The following TPST2 variants were observed in gnomAD, a reference collection of about 807,000 sequenced individuals.
The protein encoded by TPST2 is protein-tyrosine sulfotransferase 2.
TPST2 carries 16 observed loss-of-function variants against 27.8 expected under a neutral mutation model. The ratio of observed to expected loss-of-function variants is 0.58; its 90% confidence interval spans 0.39 to 0.88. The LOEUF is 0.88. Among genes scored for constraint, TPST2 ranks in the 40% least tolerant of loss-of-function variants. The pLI, the probability that TPST2 is intolerant of heterozygous loss-of-function variation, is 0.00. For synonymous variants in TPST2, 229 were observed against 231.7 expected, an observed-to-expected ratio of 0.99 and a Z score of 0.10; for missense variants, 464 against 543.1, an observed-to-expected ratio of 0.85 and a Z score of 1.45.
At chr22:26,562,407 C>T (rs527655362) in intron 1 of TPST2, among the ~76,000 whole-genome samples, 12 of 152,312 alleles carry the variant, frequency 7.9e-5, no homozygotes, top group Non-Finnish European at 1.6e-4. Flanking sequence ...TAAACCCTCA[C>T]AGCTCTACAA....
At chr22:26,533,412 C>A (rs1925276882) in intron 4 of TPST2, among the ~76,000 whole-genome samples, 1 of 151,824 alleles carries the variant, frequency 6.6e-6, no homozygotes, top group South Asian at 2.1e-4. Context: ...AGAGCGAGAC[C>A]CTGTCTCTAA....
intron 1 of TPST2, among the ~76,000 whole-genome samples, chr22:26,569,084 C>T (rs1927496442): frequency 1.3e-5 from 2 of 151,992 alleles, no homozygotes; most frequent in Admixed American, 1.3e-4. Context: ...AGGATGGTCT[C>T]GATCTCCTGA....
At chr22:26,549,817 T>A (rs1165981505) in intron 1 of TPST2, among the ~76,000 whole-genome samples, 1 of 145,054 alleles carries the variant, frequency 6.9e-6, no homozygotes, top group East Asian at 2.0e-4. Flanking sequence ...GATCACGAAG[T>A]CAGGAGATCG....
intron 1 of TPST2, among the ~76,000 whole-genome samples, chr22:26,570,465 T>C (rs899554784): frequency 1.3e-5 from 2 of 152,114 alleles, no homozygotes; most frequent in Non-Finnish European, 2.9e-5. Flanking sequence ...TACAGCCCCA[T>C]GAAAACGTTT....
At chr22:26,570,469 A>G (rs555101901) in intron 1 of TPST2, among the ~76,000 whole-genome samples, 1 of 152,120 alleles carries the variant, frequency 6.6e-6, no homozygotes, top group Admixed American at 6.5e-5. Flanking sequence ...GCCCCATGAA[A>G]ACGTTTACAG....
At chr22:26,567,719 A>T (rs1161536477) in intron 1 of TPST2, among the ~76,000 whole-genome samples, 3 of 152,226 alleles carry the variant, frequency 2.0e-5, no homozygotes, top group Non-Finnish European at 2.9e-5. Context: ...AAATCAATTT[A>T]AAAAAGGACA....
chr22:26,582,153 G>A (rs1169590853), intron 1 of TPST2, among the ~76,000 whole-genome samples: 3 of 152,178 alleles, frequency 2.0e-5, no homozygotes, highest in African/African-American at 4.8e-5. Context: ...TTAGCCGGGC[G>A]CTGTGGCTCA....
At chr22:26,579,103 G>C (rs73163224) in intron 1 of TPST2, among the ~76,000 whole-genome samples, 1 of 152,076 alleles carries the variant, frequency 6.6e-6, no homozygotes, top group Non-Finnish European at 1.5e-5. Context: ...TGATCCGCCC[G>C]CATTGGCCTC....
Position 26,522,338 on chromosome 22 carries a change from T to C in TPST2, c.*3937A>G, listed in dbSNP as rs1438703684. ...AATAGCACCCAAGTAATGTATAGAT[T>C]ACCATGTTTTCACATATGGCAAATT... On this transcript the variant is annotated 3_prime_UTR_variant, in exon 7 of 7. Transcript: ENST00000338754. The C allele has an allele frequency of 6.6e-6, 1 of 152,166 alleles. No individual in the cohort carries two copies. Among genetic ancestry groups the C allele is most frequent in the African/African-American group, 2.4e-5 (1 of 41,436 alleles). The allele number at this position is 152,166 out of a possible 1,614,324, so 9.4% of individuals were successfully genotyped here.
At chr22:26,538,488 T>C (rs1925607280) in intron 3 of TPST2, among the ~76,000 whole-genome samples, 1 of 152,208 alleles carries the variant, frequency 6.6e-6, no homozygotes, top group Non-Finnish European at 1.5e-5. Context: ...TGAAGTCGAA[T>C]ATGGCAATCC....
intron 1 of TPST2, among the ~76,000 whole-genome samples, chr22:26,558,547 C>T (rs983756093): frequency 6.6e-6 from 1 of 152,182 alleles, no homozygotes; most frequent in African/African-American, 2.4e-5. Context: ...GTGGAGAGAG[C>T]CCCCTACTGT....
chr22:26,561,629 T>C (rs940850169), intron 1 of TPST2, among the ~76,000 whole-genome samples: 1 of 152,190 alleles, frequency 6.6e-6, no homozygotes, highest in African/African-American at 2.4e-5. Flanking sequence ...AAAAAAGATA[T>C]TGCATGTGAA....
chr22:26,560,662 C>G (rs1263217439), intron 1 of TPST2: 2 of 1,278,658 alleles, frequency 1.6e-6, no homozygotes, highest in Non-Finnish European at 2.3e-6. Context: ...AAGAAGTGCT[C>G]AGAGAGGTGG....
intron 5 of TPST2, among the ~76,000 whole-genome samples, chr22:26,529,467 C>T (rs892313420): frequency 2.0e-5 from 3 of 152,292 alleles, no homozygotes; most frequent in African/African-American, 7.2e-5. Flanking sequence ...GCCTTCTCCC[C>T]TCCCTGACCT....
At chr22:26,536,064 T>TA (rs1354691524) in intron 4 of TPST2, 3 of 700,068 alleles carry the variant, frequency 4.3e-6, no homozygotes, top group African/African-American at 1.8e-5. Context: ...TGTTAGATGT[T>TA]AGAGTATGAG....
At chr22:26,546,810 C>A (rs1259263371) in intron 1 of TPST2, among the ~76,000 whole-genome samples, 1 of 152,192 alleles carries the variant, frequency 6.6e-6, no homozygotes, top group Non-Finnish European at 1.5e-5. Context: ...CAATCCAACC[C>A]AGGGCCTGTT....
chr22:26,557,903 C>T (rs1048388029), intron 1 of TPST2, among the ~76,000 whole-genome samples: 4 of 150,024 alleles, frequency 2.7e-5, no homozygotes, highest in Admixed American at 1.3e-4. Flanking sequence ...AAAAATTAGC[C>T]GGGTGTGGTG....
At chr22:26,542,193 G>GACT (rs1248747301) in intron 2 of TPST2, among the ~76,000 whole-genome samples, 4 of 148,508 alleles carry the variant, frequency 2.7e-5, no homozygotes, top group Non-Finnish European at 4.4e-5. Context: ...AGTGAGCCTA[G>GACT]ACTGCGCCAC....
chr22:26,583,171 ACAC>A (rs1928185042), intron 1 of TPST2, among the ~76,000 whole-genome samples: 1 of 151,696 alleles, frequency 6.6e-6, no homozygotes, highest in African/African-American at 2.4e-5. Context: ...ACAGTGGCTC[ACAC>A]CTGTAATCCC....
Sources: allele counts gnomAD v4.1 joint callset (sites outside exome capture counted in the v4.1 genomes callset), GRCh38; gene constraint gnomAD v4.1.1; transcripts MANE v1.5; gene names NCBI Gene and HGNC (gene_info 2026-07-23, HGNC 2026-07-21).